Variants in TRPS1 observed in about 807,000 individuals in gnomAD.
The protein encoded by TRPS1 is zinc finger transcription factor Trps1.
Under a neutral mutation model 101.2 loss-of-function variants are expected in TRPS1, and 6 were observed. The ratio of observed to expected loss-of-function variants is 0.06; its 90% CI spans 0.03 to 0.12. The LOEUF (loss-of-function observed/expected upper bound fraction) is 0.12. TRPS1 is among the 10% of genes least tolerant of loss of function. The pLI, the probability that TRPS1 is intolerant of heterozygous loss-of-function variation, is 1.00. For missense variants in TRPS1, 1,363 were observed against 1,567.0 expected, an observed-to-expected ratio of 0.87 and a Z score of 2.20; for synonymous variants, 578 against 589.8, an observed-to-expected ratio of 0.98 and a Z score of 0.29.
At chr8:115,634,956 A>C (rs957619512) in intron 1 of TRPS1, among the ~76,000 whole-genome samples, 3 of 151,988 alleles carry the variant, frequency 2.0e-5, no homozygotes, top group Non-Finnish European at 4.4e-5. Flanking sequence ...ATAAAAGTGG[A>C]ATTCTCCTTC....
At chr8:115,623,417 T>C (rs978298868) in intron 2 of TRPS1, among the ~76,000 whole-genome samples, 184 bp downstream of exon 2, 1 of 152,182 alleles carries the variant, frequency 6.6e-6, no homozygotes, top group Non-Finnish European at 1.5e-5. Flanking sequence ...TATGTAAATA[T>C]AAGCACATTT....
In TRPS1 at chr8:115,619,446, G is replaced by C. The variant is rs1199053090; in HGVS notation, c.652C>G (p.Leu218Val). Residue 218 changes from leucine (L) to valine (V), a missense_variant, in exon 3 of 7, where the codon CTG becomes GTG. This residue lies in a region of TRPS1 where 1,020 missense variants were observed against 1,073.0 expected (regional missense o/e 0.95). Coordinates refer to ENST00000395715, the MANE Select transcript of TRPS1 (RefSeq NM_014112.5). ...GCCGGGTCTGGGTTGTCATTCACCAGTAAGTCAGTTTTGGATTTATTCAGT... is the reference window on the plus strand; with the variant it reads ...GCCGGGTCTGGGTTGTCATTCACCACTAAGTCAGTTTTGGATTTATTCAGT... ...VRLNKSKTDLLVNDNPDPAPL... is the reference protein window; with the variant it reads ...VRLNKSKTDLVVNDNPDPAPL... 6.2e-7 allele frequency: 1 copy of C among 1,614,216 alleles called. No individual in the cohort carries two copies. The highest frequency in any genetic ancestry group is 1.1e-5 in the South Asian group (1 of 91,082).
At chr8:115,501,387 A>G (rs1052042677) in intron 5 of TRPS1, among the ~76,000 whole-genome samples, 2 of 152,184 alleles carry the variant, frequency 1.3e-5, no homozygotes, top group African/African-American at 2.4e-5. Flanking sequence ...AAATGATGGT[A>G]TAGTATAATG....
Position 115,604,243 on chromosome 8 carries a change from G to A in TRPS1, c.1726C>T (p.His576Tyr). Reference sequence around the variant, plus strand: ...AGTCCTCTGGGACAGAATGGACAGTGTTTAATGGTACACTTGTGAATGTTA... The same window carrying A: ...AGTCCTCTGGGACAGAATGGACAGTATTTAATGGTACACTTGTGAATGTTA... ...LHNIHKCTIK[H>Y]CPFCPRGLCS... Residue 576 changes from histidine to tyrosine, a missense_variant, in exon 4 of 7, where the codon CAC (histidine) becomes TAC (tyrosine). This residue lies in a region of TRPS1 where 1,020 missense variants were observed against 1,073.0 expected (regional missense o/e 0.95). Transcript: ENST00000395715. This position sits in a 1 kb window ranked among gnomAD's most constrained non-coding sequence, Gnocchi z 4.1. The A allele has an allele frequency of 6.2e-7, 1 of 1,614,128 alleles. No homozygotes were observed. Among genetic ancestry groups the A allele is most frequent in the Non-Finnish European group, 8.5e-7 (1 of 1,180,010 alleles).
chr8:115,430,570 G>A (rs1264729169), intron 5 of TRPS1, among the ~76,000 whole-genome samples: 1 of 152,090 alleles, frequency 6.6e-6, no homozygotes, highest in African/African-American at 2.4e-5. Flanking sequence ...TTTCACTTTT[G>A]TGAAATGCAA....
At chr8:115,556,238 T>C (rs1213830806) in intron 5 of TRPS1, among the ~76,000 whole-genome samples, 2 of 152,082 alleles carry the variant, frequency 1.3e-5, no homozygotes, top group African/African-American at 4.8e-5. Context: ...TTTTAAAAAC[T>C]ACAGAATGAC....
rs751401381 is a variant in TRPS1 at position 115,604,877 on chromosome 8, T to C, written c.1092A>G (p.Glu364=). The C allele has an allele frequency of 1.9e-6, 3 of 1,614,070 alleles. No homozygotes were observed. Among genetic ancestry groups the C allele is most frequent in the South Asian group, 1.1e-5 (1 of 91,086 alleles). ...TYMGNSSTEL[E]QHFLQTHPNK... ...TTGGGTGAGTCTGAAGAAAATGTTGTTCTAATTCGGTGGATGAGTTGCCCA... is the reference window on the plus strand; with the variant it reads ...TTGGGTGAGTCTGAAGAAAATGTTGCTCTAATTCGGTGGATGAGTTGCCCA... The change falls in exon 4 of 7, where the codon GAA becomes GAG. Residue 364 remains glutamate (E), a synonymous_variant. Transcript: ENST00000395715. This position sits in a 1 kb window ranked among gnomAD's most constrained non-coding sequence, Gnocchi z 4.1.
chr8:115,642,696 A>G (rs1029842184), intron 1 of TRPS1, among the ~76,000 whole-genome samples: 1 of 151,994 alleles, frequency 6.6e-6, no homozygotes, highest in South Asian at 2.1e-4. Context: ...CCTAGAAAAT[A>G]TGAATGACTG....
chr8:115,503,909 C>T (rs772076640), intron 5 of TRPS1, among the ~76,000 whole-genome samples: 6 of 152,118 alleles, frequency 3.9e-5, no homozygotes, highest in South Asian at 4.1e-4. Context: ...TGACTGTGAA[C>T]GAAAATTATG....
In TRPS1 at chr8:115,413,315, G is replaced by C. The variant is rs781522441; in HGVS notation, c.*708C>G. ...AAATGAATCTAAACCGCAAACAAAA[G>C]GACTACTGAGTATTTGAACATCTAA... On this transcript the variant is annotated 3_prime_UTR_variant, in exon 7 of 7. Coordinates refer to ENST00000395715, the MANE Select transcript of TRPS1 (RefSeq NM_014112.5). The C allele has an allele frequency of 2.6e-5, 4 of 152,518 alleles. No homozygotes were observed. The highest frequency in any genetic ancestry group is 5.9e-5 in the Non-Finnish European group (4 of 68,038). The allele number at this position is 152,518 out of a possible 1,614,324, so 9.4% of individuals were successfully genotyped here.
intron 5 of TRPS1, among the ~76,000 whole-genome samples, chr8:115,569,276 G>A (rs760953288): frequency 1.1e-4 from 16 of 152,024 alleles, no homozygotes; most frequent in Non-Finnish European, 1.6e-4. Flanking sequence ...TCAAGACTAA[G>A]AAGAACAGAA....
At chr8:115,566,660 C>T (rs149375847) in intron 5 of TRPS1, among the ~76,000 whole-genome samples, 11 of 151,982 alleles carry the variant, frequency 7.2e-5, no homozygotes, top group East Asian at 1.9e-4. Flanking sequence ...CTTCAAACCA[C>T]GGACAATGAC....
At chr8:115,517,875 T>C (rs140520371) in intron 5 of TRPS1, among the ~76,000 whole-genome samples, 7 of 151,758 alleles carry the variant, frequency 4.6e-5, no homozygotes, top group Admixed American at 2.6e-4. Flanking sequence ...CAATCCTGGT[T>C]GACTGGGTTT....
intron 5 of TRPS1, among the ~76,000 whole-genome samples, chr8:115,524,805 C>A (rs1815955024): frequency 6.6e-6 from 1 of 152,086 alleles, no homozygotes; most frequent in Admixed American, 6.6e-5. Context: ...ATTAAATTAA[C>A]TGTCTTCAAT....
chr8:115,569,090 A>G (rs999410382), intron 5 of TRPS1, among the ~76,000 whole-genome samples: 1 of 152,168 alleles, frequency 6.6e-6, no homozygotes, highest in Admixed American at 6.6e-5. Context: ...AAGGAGTTAC[A>G]TCCCCGTAAA....
intron 5 of TRPS1, among the ~76,000 whole-genome samples, chr8:115,528,488 A>G (rs1385144963): frequency 2.6e-5 from 4 of 152,192 alleles, no homozygotes; most frequent in African/African-American, 9.6e-5. Flanking sequence ...TAAGGAAGCC[A>G]CATTTTTATT....
chr8:115,415,143 T>C (rs1812888310), intron 6 of TRPS1, 59 bp from the exon 7 acceptor site: 2 of 1,515,172 alleles, frequency 1.3e-6, no homozygotes, highest in Admixed American at 4.3e-5. Flanking sequence ...TTAAAATGCA[T>C]TAAAAATTCC....
chr8:115,508,462 C>G (rs144720179), intron 5 of TRPS1, among the ~76,000 whole-genome samples: 42 of 152,142 alleles, frequency 2.8e-4, no homozygotes, highest in African/African-American at 9.9e-4. Context: ...CTTCATGATA[C>G]AGTAAATTTC....
At chr8:115,520,821 C>A (rs1563571373) in intron 5 of TRPS1, among the ~76,000 whole-genome samples, 1 of 151,888 alleles carries the variant, frequency 6.6e-6, no homozygotes, top group Non-Finnish European at 1.5e-5. Flanking sequence ...ACAGTATTAG[C>A]TTCAGAAGGT....
Sources: gnomAD v4.1 joint callset for allele counts (sites outside exome capture counted in the v4.1 genomes callset) on GRCh38, gnomAD v4.1.1 for gene constraint, gnomAD v4.1.1 regional missense constraint, Gnocchi (gnomAD v3.1) non-coding constraint, MANE v1.5 for transcripts, NCBI Gene and HGNC (gene_info 2026-07-23, HGNC 2026-07-21) for gene names.